SPRYD4: variants seen among roughly 807,000 people sequenced by gnomAD.
The protein encoded by SPRYD4 is SPRY domain containing 4.
A neutral mutation model predicts 16.6 loss-of-function variants in SPRYD4; 12 were observed. The ratio of observed to expected loss-of-function variants is 0.72; its 90% CI spans 0.46 to 1.17. The LOEUF (loss-of-function observed/expected upper bound fraction) is 1.17, where lower values mean the gene tolerates loss of function less well. Among genes scored for constraint, SPRYD4 ranks in the 50% most tolerant of loss-of-function variants. The pLI is 0.00. For synonymous variants in SPRYD4, 98 were observed against 105.4 expected (o/e 0.93, Z 0.43); for missense variants, 260 against 260.2 (o/e 1.00, Z 0.00).
Position 56,478,701 on chromosome 12 carries a change from A to C in SPRYD4, c.*9124A>C, listed in dbSNP as rs926828113. ...TCCCAGCCCCAGGAAATCTCTGAGA[A>C]GCGAGGTATATCTAGGTGTGGTGGC... On this transcript the variant is annotated 3_prime_UTR_variant, in exon 2 of 2. Transcript: ENST00000338146. 1 of 261,842 alleles carries C rather than the reference A, an allele frequency of 3.8e-6. No individual in the cohort carries two copies. Among genetic ancestry groups the C allele is most frequent in the Non-Finnish European group, 7.4e-6 (1 of 135,496 alleles). The allele number at this position is 261,842 out of a possible 1,614,324, so 16.2% of individuals were successfully genotyped here.
chr12:56,469,292 C>T lies in SPRYD4; in HGVS notation c.339C>T (p.Ser113=). The change falls in exon 2 of 2, where the codon AGC becomes AGT. Residue 113 remains serine (S), a synonymous_variant. Transcript: ENST00000338146. ...GVADVDMSRD[S]CIGVDDRSWV... Reference sequence around the variant, plus strand: ...CAGATGTGGACATGTCCCGGGATAGCTGCATTGGTGTTGATGATCGTTCCT... The same window carrying T: ...CAGATGTGGACATGTCCCGGGATAGTTGCATTGGTGTTGATGATCGTTCCT... The T allele has an allele frequency of 6.2e-7, 1 of 1,614,148 alleles. No individual in the cohort carries two copies. The highest frequency in any genetic ancestry group is 8.5e-7 in the Non-Finnish European group (1 of 1,180,024).
chr12:56,479,123 G>A lies in SPRYD4; in HGVS notation c.*9546G>A, dbSNP rs1482383885. On this transcript the variant is annotated 3_prime_UTR_variant, in exon 2 of 2. Coordinates refer to ENST00000338146, the MANE Select transcript of SPRYD4 (RefSeq NM_207344.4). ...TGGCCCGTGAACTCCTCAAAATCAG[G>A]AATGACAAACTTCTTTCGGAATGCC... 1 of 1,613,972 alleles carries A rather than the reference G, an allele frequency of 6.2e-7. No homozygotes were observed. Among genetic ancestry groups the A allele is most frequent in the East Asian group, 2.2e-5 (1 of 44,884 alleles).
chr12:56,474,492 C>G lies in SPRYD4; in HGVS notation c.*4915C>G. 6.2e-7 allele frequency: 1 copy of G among 1,605,700 alleles called. No individual in the cohort carries two copies. The highest frequency in any genetic ancestry group is 8.5e-7 in the Non-Finnish European group (1 of 1,176,842). ...TCTATCTTGAGAGAGTCAGTGTTCT[C>G]TCTTCTTAGCACTGGGCTCATGACA... is the stretch of plus-strand genomic sequence containing the variant. On this transcript the variant is annotated 3_prime_UTR_variant, in exon 2 of 2. Coordinates refer to ENST00000338146, the MANE Select transcript of SPRYD4 (RefSeq NM_207344.4).
At position 56,477,536 on chromosome 12, in the gene SPRYD4, T is replaced by C; in HGVS notation, c.*7959T>C. The C allele has an allele frequency of 1.0e-6, 1 of 974,106 alleles. No homozygotes were observed. The allele number at this position is 974,106 out of a possible 1,614,324, so 60.3% of individuals were successfully genotyped here. Reference sequence around the variant, plus strand: ...GGTCCCTGCTGTGCCTCATGTGCCTTCTGGGGACCCTCAAAGGAATCAGAG... The same window carrying C: ...GGTCCCTGCTGTGCCTCATGTGCCTCCTGGGGACCCTCAAAGGAATCAGAG... On this transcript the variant is annotated 3_prime_UTR_variant, in exon 2 of 2. Transcript: ENST00000338146.
Position 56,474,742 on chromosome 12 carries a change from G to A in SPRYD4, c.*5165G>A, listed in dbSNP as rs761234824. On this transcript the variant is annotated 3_prime_UTR_variant, in exon 2 of 2. Coordinates refer to ENST00000338146, the MANE Select transcript of SPRYD4 (RefSeq NM_207344.4). Reference sequence around the variant, plus strand: ...ACAGCTATGAAAACAAAGAATAGGTGAAGATGTGACGTGAACCTGCACATG... The same window carrying A: ...ACAGCTATGAAAACAAAGAATAGGTAAAGATGTGACGTGAACCTGCACATG... 5.6e-6 allele frequency: 9 copies of A among 1,609,472 alleles called. No individual in the cohort carries two copies. In the East Asian group the frequency reaches 1.8e-4, roughly 32 times the overall value.
chr12:56,475,054 T>C lies in SPRYD4; in HGVS notation c.*5477T>C. The C allele has an allele frequency of 6.2e-7, 1 of 1,614,176 alleles. No individual in the cohort carries two copies. The highest frequency in any genetic ancestry group is 1.3e-5 in the African/African-American group (1 of 75,034). On this transcript the variant is annotated 3_prime_UTR_variant, in exon 2 of 2. Coordinates refer to ENST00000338146, the MANE Select transcript of SPRYD4 (RefSeq NM_207344.4). Reference sequence around the variant, plus strand: ...GCCTCTTCTGGTTACCTTCTTTTCCTTGAGATAATAGCCGATGGCATAATT... The same window carrying C: ...GCCTCTTCTGGTTACCTTCTTTTCCCTGAGATAATAGCCGATGGCATAATT...
rs1869445674 is a variant in SPRYD4, at chr12:56,473,021, C to G, written c.*3444C>G. On this transcript the variant is annotated 3_prime_UTR_variant, in exon 2 of 2. Coordinates refer to ENST00000338146, the MANE Select transcript of SPRYD4 (RefSeq NM_207344.4). Reference sequence around the variant, plus strand: ...TCTCCTGCCTCAGCCTCCCAAGTAGCTGGGACCACAGGCGCGTGCCACCAC... The same window carrying G: ...TCTCCTGCCTCAGCCTCCCAAGTAGGTGGGACCACAGGCGCGTGCCACCAC... 1 of 600,976 alleles carries G rather than the reference C, an allele frequency of 1.7e-6. No homozygotes were observed. The highest frequency in any genetic ancestry group is 2.9e-6 in the Non-Finnish European group (1 of 348,632). The allele number at this position is 600,976 out of a possible 1,614,324, so 37.2% of individuals were successfully genotyped here. A position where few individuals can be genotyped will look rare whatever the true frequency, so the allele number is the denominator to read the frequency against.
In SPRYD4 at chr12:56,475,499, G is replaced by T; in HGVS notation, c.*5922G>T. 1.0e-6 allele frequency: 1 copy of T among 970,316 alleles called. No individual in the cohort carries two copies. The highest frequency in any genetic ancestry group is 1.6e-6 in the Non-Finnish European group (1 of 640,274). The allele number at this position is 970,316 out of a possible 1,614,324, so 60.1% of individuals were successfully genotyped here. A position where few individuals can be genotyped will look rare whatever the true frequency, so the allele number is the denominator to read the frequency against. On this transcript the variant is annotated 3_prime_UTR_variant, in exon 2 of 2. Transcript: ENST00000338146. ...ATGAAGGGACTCAGAGGAAGCTGGA[G>T]GGCCAAAGTTCCCCTGGGATTTCTT...
In SPRYD4 at chr12:56,477,999, C is replaced by T. The variant is rs749261183; in HGVS notation, c.*8422C>T. ...GGCTCTTTGCCCACAAACTTGTGCA[C>T]GTAGTCAGTGCCTAGGGTGCTTATG... On this transcript the variant is annotated 3_prime_UTR_variant, in exon 2 of 2. Transcript: ENST00000338146. The T allele has an allele frequency of 2.5e-6, 4 of 1,614,196 alleles. No homozygotes were observed. Among genetic ancestry groups the T allele is most frequent in the Middle Eastern group, 1.6e-4 (1 of 6,062 alleles).
chr12:56,478,108 C>T lies in SPRYD4; in HGVS notation c.*8531C>T. 1 of 1,613,962 alleles carries T rather than the reference C, an allele frequency of 6.2e-7. No homozygotes were observed. Among genetic ancestry groups the T allele is most frequent in the Non-Finnish European group, 8.5e-7 (1 of 1,179,872 alleles). The stretch of plus-strand genomic sequence containing the variant: ...GGCCCACAGAGTGCCTGGAGGCAGA[C>T]AGATGCCATGAAAGGGGTTGGCCTG... On this transcript the variant is annotated 3_prime_UTR_variant, in exon 2 of 2. Coordinates refer to ENST00000338146, the MANE Select transcript of SPRYD4 (RefSeq NM_207344.4).
chr12:56,475,395 C>T lies in SPRYD4; in HGVS notation c.*5818C>T, dbSNP rs772628807. 128 of 724,840 alleles carry T rather than the reference C, an allele frequency of 1.8e-4. No homozygotes were observed. The highest frequency in any genetic ancestry group is 2.6e-4 in the Non-Finnish European group (116 of 450,008). 44.9% of individuals were successfully genotyped at this position (724,840 alleles called of 1,614,324 possible). A position where few individuals can be genotyped will look rare whatever the true frequency, so the allele number is the denominator to read the frequency against. On this transcript the variant is annotated 3_prime_UTR_variant, in exon 2 of 2. Transcript: ENST00000338146. ...AAGTCTTGGCAAGAAAGGGCTTAGG[C>T]ACAAACCATCACACTGCCTCTCTCA...
At position 56,473,779 on chromosome 12, in the gene SPRYD4, C is replaced by G. The variant is rs145174304; in HGVS notation, c.*4202C>G. On this transcript the variant is annotated 3_prime_UTR_variant, in exon 2 of 2. Coordinates refer to ENST00000338146, the MANE Select transcript of SPRYD4 (RefSeq NM_207344.4). ...TTTCCTTCCCTTAAATTCATTGATT[C>G]AGCTAGAAAATATTTTTTGAAATAC... 3.0e-6 allele frequency: 2 copies of G among 665,558 alleles called. No homozygotes were observed. The highest frequency in any genetic ancestry group is 4.7e-6 in the Non-Finnish European group (2 of 427,812). 41.2% of individuals were successfully genotyped at this position (665,558 alleles called of 1,614,324 possible). A position where few individuals can be genotyped will look rare whatever the true frequency, so the allele number is the denominator to read the frequency against.
In SPRYD4 at chr12:56,474,744, A is replaced by G. The variant is rs1277190490; in HGVS notation, c.*5167A>G. On this transcript the variant is annotated 3_prime_UTR_variant, in exon 2 of 2. Coordinates refer to ENST00000338146, the MANE Select transcript of SPRYD4 (RefSeq NM_207344.4). ...AGCTATGAAAACAAAGAATAGGTGA[A>G]GATGTGACGTGAACCTGCACATGGG... 6.2e-7 allele frequency: 1 copy of G among 1,609,472 alleles called. No individual in the cohort carries two copies. Among genetic ancestry groups the G allele is most frequent in the East Asian group, 2.2e-5 (1 of 44,832 alleles).
Position 56,475,175 on chromosome 12 carries a change from T to C in SPRYD4, c.*5598T>C. 6.2e-7 allele frequency: 1 copy of C among 1,609,070 alleles called. No individual in the cohort carries two copies. Among genetic ancestry groups the C allele is most frequent in the Non-Finnish European group, 8.5e-7 (1 of 1,179,978 alleles). ...GTGGGTGTTGGGAGAAGGGGAAAAA[T>C]TACCTTCCCTGGAGAGACAGAACTA... is the stretch of plus-strand genomic sequence containing the variant. On this transcript the variant is annotated 3_prime_UTR_variant, in exon 2 of 2. Transcript: ENST00000338146.
Position 56,474,486 on chromosome 12 carries a change from T to C in SPRYD4, c.*4909T>C. The stretch of plus-strand genomic sequence containing the variant: ...TCCACCTCTATCTTGAGAGAGTCAG[T>C]GTTCTCTCTTCTTAGCACTGGGCTC... On this transcript the variant is annotated 3_prime_UTR_variant, in exon 2 of 2. Coordinates refer to ENST00000338146, the MANE Select transcript of SPRYD4 (RefSeq NM_207344.4). 2 of 1,588,900 alleles carry C rather than the reference T, an allele frequency of 1.3e-6. No individual in the cohort carries two copies. Among genetic ancestry groups the C allele is most frequent in the East Asian group, 2.2e-5 (1 of 44,776 alleles).
In SPRYD4 at chr12:56,472,135, A is replaced by T; in HGVS notation, c.*2558A>T. 3.1e-6 allele frequency: 5 copies of T among 1,614,210 alleles called. No homozygotes were observed. The highest frequency in any genetic ancestry group is 4.2e-6 in the Non-Finnish European group (5 of 1,180,022). On this transcript the variant is annotated 3_prime_UTR_variant, in exon 2 of 2. Transcript: ENST00000338146. ...CTTCAGTACCTTCAGCTGCAGCAAC[A>T]TGCAGAGCTGTGCGCGAGTCATAGT...
Position 56,472,266 on chromosome 12 carries a change from G to A in SPRYD4, c.*2689G>A. The A allele has an allele frequency of 7.3e-7, 1 of 1,364,398 alleles. No individual in the cohort carries two copies. 84.5% of individuals were successfully genotyped at this position (1,364,398 alleles called of 1,614,324 possible). On this transcript the variant is annotated 3_prime_UTR_variant, in exon 2 of 2. Transcript: ENST00000338146. ...AATCACAGGTGTTCTTTGTGAACTGGTGTCAGACTGGATGAGTTTCAGAGA... is the reference window on the plus strand; with the variant it reads ...AATCACAGGTGTTCTTTGTGAACTGATGTCAGACTGGATGAGTTTCAGAGA...
At position 56,472,442 on chromosome 12, in the gene SPRYD4, G is replaced by A. The variant is rs1869367776; in HGVS notation, c.*2865G>A. 3 of 602,858 alleles carry A rather than the reference G, an allele frequency of 5.0e-6. No individual in the cohort carries two copies. The Admixed American group carries it at 9.0e-5, about 18-fold the overall frequency. The allele number at this position is 602,858 out of a possible 1,614,324, so 37.3% of individuals were successfully genotyped here. A position where few individuals can be genotyped will look rare whatever the true frequency, so the allele number is the denominator to read the frequency against. ...TACCTGTGGTAAGTGCCCATTTGAG[G>A]CAGGGTACCTACTTCCTAGGACACT... On this transcript the variant is annotated 3_prime_UTR_variant, in exon 2 of 2. Coordinates refer to ENST00000338146, the MANE Select transcript of SPRYD4 (RefSeq NM_207344.4).
chr12:56,469,532 G>A lies in SPRYD4; in HGVS notation c.579G>A (p.Gly193=), dbSNP rs1332968535. The A allele has an allele frequency of 6.2e-7, 1 of 1,614,082 alleles. No individual in the cohort carries two copies. The highest frequency in any genetic ancestry group is 8.5e-7 in the Non-Finnish European group (1 of 1,180,010). Residue 193 remains glycine, a synonymous_variant, in exon 2 of 2, where the codon GGG becomes GGA. Coordinates refer to ENST00000338146, the MANE Select transcript of SPRYD4 (RefSeq NM_207344.4). ...PVVPAFALWD[G]ELLTHSGLEV... ...TGCCTGCCTTTGCTCTCTGGGATGG[G>A]GAGCTGCTGACCCATTCAGGGCTTG...
Sources: gnomAD v4.1 joint callset for allele counts on GRCh38, gnomAD v4.1.1 for gene constraint, MANE v1.5 for transcripts, NCBI Gene and HGNC (gene_info 2026-07-23, HGNC 2026-07-21) for gene names.